Variants in FGF13 observed in about 807,000 individuals in gnomAD.
FGF13 encodes the protein fibroblast growth factor homologous factor 2.
A neutral mutation model predicts 19.5 loss-of-function variants in FGF13; 2 were observed. That is an observed-to-expected ratio of 0.10 (90% CI 0.04 to 0.32). The LOEUF is 0.32. FGF13 is among the 10% of genes least tolerant of loss of function. The pLI is 1.00. For synonymous variants in FGF13, 72 were observed against 76.9 expected, an observed-to-expected ratio of 0.94 and a Z score of 0.33; for missense variants, 113 against 192.7, an observed-to-expected ratio of 0.59 and a Z score of 2.45.
chrX:138,844,102 C>T (rs186063715), intron 3 of FGF13, among the ~76,000 whole-genome samples: 33 of 112,225 alleles, frequency 2.9e-4, no homozygotes, highest in African/African-American at 9.7e-4. Flanking sequence ...AGCAAAAGTG[C>T]ACGTTTGTAA....
intron 1 of FGF13, among the ~76,000 whole-genome samples, chrX:139,152,314 TAAAAAAAAAAAC>T (rs1283976571): frequency 1.5e-4 from 11 of 75,104 alleles, no homozygotes; most frequent in Non-Finnish European, 1.4e-4. Context: ...GTGATTAAGT[TAAAAAAAAAAAC>T]AAAAAAAAAA....
intron 1 of FGF13, among the ~76,000 whole-genome samples, chrX:138,937,931 G>A (rs1373665605): frequency 5.4e-5 from 6 of 111,441 alleles, no homozygotes; most frequent in African/African-American, 2.0e-4. Context: ...TCTCACTGGA[G>A]CAGGATGTAG....
chrX:138,889,648 T>C (rs2091466982), intron 1 of FGF13, among the ~76,000 whole-genome samples: 1 of 111,263 alleles, frequency 9.0e-6, no homozygotes, highest in African/African-American at 3.3e-5. Context: ...ATAAAAGAAA[T>C]GACAAATAAC....
intron 1 of FGF13, among the ~76,000 whole-genome samples, chrX:138,721,388 T>C (rs961659354): frequency 9.0e-6 from 1 of 111,662 alleles, no homozygotes; most frequent in African/African-American, 3.3e-5. Context: ...TGAAAACATA[T>C]TGAAAATTTC....
chrX:138,777,911 G>GA (rs951742682), intron 3 of FGF13, among the ~76,000 whole-genome samples: 42 of 101,358 alleles, frequency 4.1e-4, no homozygotes, highest in Non-Finnish European at 4.0e-4. Flanking sequence ...AAACATAAAT[G>GA]AAAAAAAAAA....
chrX:139,122,649 A>C (rs2083685644), intron 1 of FGF13, among the ~76,000 whole-genome samples: 1 of 111,734 alleles, frequency 8.9e-6, no homozygotes, highest in Non-Finnish European at 1.9e-5. Context: ...TAGATATATA[A>C]CAGGCTTCTC....
At chrX:138,682,919 G>A (rs1480852222) in intron 3 of FGF13, among the ~76,000 whole-genome samples, 1 of 111,717 alleles carries the variant, frequency 9.0e-6, no homozygotes, top group Non-Finnish European at 1.9e-5. Context: ...CAGAGGAATT[G>A]TTAGCAGATG....
intron 3 of FGF13, among the ~76,000 whole-genome samples, chrX:138,797,559 A>G (rs2090788552): frequency 9.0e-6 from 1 of 111,431 alleles, no homozygotes; most frequent in Admixed American, 9.5e-5. Flanking sequence ...TTGGTTCCAT[A>G]TGAAACTAAA....
chrX:138,677,933 T>C (rs2089688643), intron 3 of FGF13, among the ~76,000 whole-genome samples: 1 of 112,098 alleles, frequency 8.9e-6, no homozygotes, highest in South Asian at 3.7e-4. Context: ...CCAACCCAAA[T>C]GTCCAACAAT....
At position 138,616,900 on chromosome X, in the gene FGF13, A is replaced by T. The variant is rs2088973098; in HGVS notation, c.*15950T>A. 8.9e-6 allele frequency: 1 copy of T among 112,013 alleles called. No individual in the cohort carries two copies. Among genetic ancestry groups the T allele is most frequent in the African/African-American group, 3.2e-5 (1 of 30,795 alleles). The allele number at this position is 112,013 out of a possible 1,213,427, so 9.2% of individuals were successfully genotyped here. A position where few individuals can be genotyped will look rare whatever the true frequency, so the allele number is the denominator to read the frequency against. ...AGCTGTATGTTGGCCCCTTTTAGCCACAGCTGAAGCTGAAGCAGCTGGGGA... is the reference window on the plus strand; with the variant it reads ...AGCTGTATGTTGGCCCCTTTTAGCCTCAGCTGAAGCTGAAGCAGCTGGGGA... On this transcript the variant is annotated 3_prime_UTR_variant, in exon 5 of 5. Transcript: ENST00000315930.
At chrX:138,993,085 T>C (rs2092024757) in intron 1 of FGF13, among the ~76,000 whole-genome samples, 2 of 111,624 alleles carry the variant, frequency 1.8e-5, no homozygotes, top group African/African-American at 6.5e-5. Context: ...TTGAGAAACA[T>C]ACTGAAAAAT....
chrX:138,618,765 C>T lies in FGF13; in HGVS notation c.*14085G>A, dbSNP rs1370908556. Reference sequence around the variant, plus strand: ...GCACAAAAACTTGAGCACTTCAGGGCACCACGTTAGAGAAAACAAATGGGA... The same window carrying T: ...GCACAAAAACTTGAGCACTTCAGGGTACCACGTTAGAGAAAACAAATGGGA... On this transcript the variant is annotated 3_prime_UTR_variant, in exon 5 of 5. Coordinates refer to ENST00000315930, the MANE Select transcript of FGF13 (RefSeq NM_004114.5). 2 of 111,603 alleles carry T rather than the reference C, an allele frequency of 1.8e-5. No individual in the cohort carries two copies. The highest frequency in any genetic ancestry group is 1.9e-4 in the Admixed American group (2 of 10,486). 9.2% of individuals were successfully genotyped at this position (111,603 alleles called of 1,213,427 possible). A position where few individuals can be genotyped will look rare whatever the true frequency, so the allele number is the denominator to read the frequency against.
At chrX:139,000,368 T>C (rs1310740976) in intron 1 of FGF13, among the ~76,000 whole-genome samples, 1 of 111,775 alleles carries the variant, frequency 8.9e-6, no homozygotes, top group South Asian at 3.8e-4. Flanking sequence ...ATAAAGGGTA[T>C]TCAAACAGGA....
intron 1 of FGF13, among the ~76,000 whole-genome samples, chrX:139,086,044 C>T (rs758845763): frequency 1.1e-3 from 118 of 112,204 alleles, no homozygotes; most frequent in Non-Finnish European, 1.7e-3. Context: ...GTGATTATGC[C>T]TGGATAACAT....
chrX:139,158,979 A>T (rs1281266755), intron 1 of FGF13, among the ~76,000 whole-genome samples: 1 of 111,706 alleles, frequency 9.0e-6, no homozygotes, highest in African/African-American at 3.3e-5. Flanking sequence ...TACAGAGAAC[A>T]CCATAAAGAT....
intron 1 of FGF13, among the ~76,000 whole-genome samples, chrX:139,087,767 G>T (rs2083413697): frequency 8.9e-6 from 1 of 112,072 alleles, no homozygotes; most frequent in Admixed American, 9.5e-5. Context: ...AGCAGTTTCT[G>T]TGTCTGTGCC....
chrX:138,800,894 T>C (rs1423368832), intron 3 of FGF13, among the ~76,000 whole-genome samples: 1 of 112,293 alleles, frequency 8.9e-6, no homozygotes, highest in Non-Finnish European at 1.9e-5. Context: ...TACTTGTGTA[T>C]GCATCACAAA....
At chrX:138,747,546 T>A (rs1049179549) in intron 3 of FGF13, among the ~76,000 whole-genome samples, 1 of 111,889 alleles carries the variant, frequency 8.9e-6, no homozygotes, top group South Asian at 3.7e-4. Context: ...AACATACTAA[T>A]TTGCCTTCAG....
At chrX:138,635,180 G>A (rs2089168732) in intron 4 of FGF13, among the ~76,000 whole-genome samples, 1 of 111,822 alleles carries the variant, frequency 8.9e-6, no homozygotes, top group Non-Finnish European at 1.9e-5. Flanking sequence ...ACTTAAGTGG[G>A]AGCTAAGCTA....
Sources: allele counts gnomAD v4.1 joint callset (sites outside exome capture counted in the v4.1 genomes callset), GRCh38; gene constraint gnomAD v4.1.1; transcripts MANE v1.5; gene names NCBI Gene and HGNC (gene_info 2026-07-23, HGNC 2026-07-21).